Variants in CWH43 observed in about 807,000 individuals in gnomAD.
The protein encoded by CWH43 is cell wall biogenesis 43 C-terminal homolog, also known as PGAP2-interacting protein.
Under a neutral mutation model 85.7 loss-of-function variants are expected in CWH43, and 91 were observed. That is an observed-to-expected ratio of 1.06 (90% confidence interval 0.90 to 1.26). The LOEUF (loss-of-function observed/expected upper bound fraction) is 1.26. Ranked by LOEUF, CWH43 falls within the 50% of genes most tolerant of loss-of-function variation. The pLI is 0.00. For synonymous variants in CWH43, 323 were observed against 293.6 expected (o/e 1.10, Z -1.02); for missense variants, 869 against 839.2 (o/e 1.04, Z -0.44).
chr4:49,023,789 T>C (rs1189003494), intron 9 of CWH43, among the ~76,000 whole-genome samples: 1 of 152,236 alleles, frequency 6.6e-6, no homozygotes, highest in Non-Finnish European at 1.5e-5. Context: ...TCTTGGAGAA[T>C]GGTGCATGTG....
At chr4:49,051,767 G>A (rs1784806113) in intron 15 of CWH43, among the ~76,000 whole-genome samples, 1 of 152,126 alleles carries the variant, frequency 6.6e-6, no homozygotes, top group Non-Finnish European at 1.5e-5. Flanking sequence ...AGTAAAGACA[G>A]GGTTTCACTA....
intron 1 of CWH43, 135 bp from the exon 2 acceptor site, chr4:48,988,342 C>A: frequency 5.1e-6 from 3 of 587,752 alleles, no homozygotes; most frequent in South Asian, 2.8e-5. Flanking sequence ...TCAGTGGAGA[C>A]AACTGGAACC....
At position 49,043,302 on chromosome 4, in the gene CWH43, T is replaced by C. The variant is rs539499943; in HGVS notation, c.1804-1484T>C. Among the ~76,000 whole-genome samples, 3 of 152,324 alleles carry C rather than the reference T, an allele frequency of 2.0e-5. No individual in the cohort carries two copies. The East Asian group carries it at 5.8e-4, about 29-fold the overall frequency. ...GAGAAACGCGTAAGTACATGGTCTA[T>C]GAAGCACAAACGAATATTAGACAAG... On this transcript the variant is annotated intron_variant, in intron 13 of 15. Transcript: ENST00000226432.
At chr4:49,017,035 A>C in intron 8 of CWH43, 1 of 756,408 alleles carries the variant, frequency 1.3e-6, no homozygotes, top group Non-Finnish European at 2.5e-6. Flanking sequence ...GGGGGAGAGC[A>C]AACCACCTCA....
chr4:49,021,785 T>A (rs1440651826), intron 9 of CWH43, among the ~76,000 whole-genome samples: 1 of 152,200 alleles, frequency 6.6e-6, no homozygotes, highest in Admixed American at 6.5e-5. Context: ...AGTATATTCC[T>A]AAATATTTTA....
At chr4:49,047,000 C>T (rs1427259292) in intron 14 of CWH43, among the ~76,000 whole-genome samples, 14 of 152,122 alleles carry the variant, frequency 9.2e-5, no homozygotes, top group Admixed American at 8.5e-4. Flanking sequence ...GACTGACTTC[C>T]CTGAGCCTTA....
chr4:48,986,666 C>CT (rs1240834199), intron 1 of CWH43, 194 bp downstream of exon 1: 1 of 1,357,016 alleles, frequency 7.4e-7, no homozygotes, highest in East Asian at 3.0e-5. Context: ...AGATTGAAGT[C>CT]TTCAAGCTGA....
In CWH43 at chr4:49,002,846, G is replaced by A. The variant is rs2085293; in HGVS notation, c.803-889G>A. On this transcript the variant is annotated intron_variant, in intron 6 of 15. Coordinates refer to ENST00000226432, the MANE Select transcript of CWH43 (RefSeq NM_025087.3). ...TTGAGCTATGGGGCATTAAGATGCT[G>A]ACTGGGGCCACTTTCTGCTTCCCAC... Among the ~76,000 whole-genome samples, 1,304 of 152,280 alleles carry A rather than the reference G, an allele frequency of 8.6e-3. 39 individuals carry two copies. The highest frequency in any genetic ancestry group is 0.052 in the Admixed American group (791 of 15,278).
chr4:49,042,863 C>T (rs575662401), intron 13 of CWH43, among the ~76,000 whole-genome samples: 1 of 152,272 alleles, frequency 6.6e-6, no homozygotes, highest in East Asian at 1.9e-4. Flanking sequence ...CACCTCAAAA[C>T]GTAGTGGCTT....
intron 11 of CWH43, among the ~76,000 whole-genome samples, chr4:49,031,673 G>A (rs1784104071): frequency 6.6e-6 from 1 of 152,200 alleles, no homozygotes; most frequent in African/African-American, 2.4e-5. Flanking sequence ...GAGCCAGGAG[G>A]CAGAGATGAT....
At chr4:49,034,296 A>G (rs921389278) in intron 12 of CWH43, among the ~76,000 whole-genome samples, 3 of 152,200 alleles carry the variant, frequency 2.0e-5, no homozygotes, top group Middle Eastern at 3.2e-3. Flanking sequence ...TAAAAAAAAT[A>G]ATACTTTCAT....
At chr4:49,021,567 T>C (rs999998387) in intron 9 of CWH43, among the ~76,000 whole-genome samples, 2 of 152,148 alleles carry the variant, frequency 1.3e-5, no homozygotes, top group African/African-American at 4.8e-5. Context: ...TTTTAGGATT[T>C]TTTTCCAGTT....
intron 8 of CWH43, among the ~76,000 whole-genome samples, chr4:49,013,446 C>T (rs981407505): frequency 2.0e-5 from 3 of 152,230 alleles, no homozygotes; most frequent in Non-Finnish European, 4.4e-5. Context: ...CCTTGCACTT[C>T]CCGGGTGAGG....
Position 49,061,923 on chromosome 4 carries a change from A to T in CWH43, c.*33A>T. The T allele has an allele frequency of 7.7e-7, 1 of 1,296,374 alleles. No individual in the cohort carries two copies. Among genetic ancestry groups the T allele is most frequent in the Non-Finnish European group, 1.0e-6 (1 of 979,766 alleles). 80.3% of individuals were successfully genotyped at this position (1,296,374 alleles called of 1,614,324 possible). A position where few individuals can be genotyped will look rare whatever the true frequency, so the allele number is the denominator to read the frequency against. ...AAAACAAGAAGTTATTGGCTGGGAA[A>T]ATCTAAGAAAAAAAGTATGTAAGAT... On this transcript the variant is annotated 3_prime_UTR_variant, in exon 16 of 16. Transcript: ENST00000226432.
At chr4:49,039,335 T>A (rs1270054173) in intron 13 of CWH43, among the ~76,000 whole-genome samples, 20 of 5,214 alleles carry the variant, frequency 3.8e-3, no homozygotes, top group East Asian at 7.8e-3. Flanking sequence ...ATATATATAC[T>A]GATGTATATA....
Position 48,986,416 on chromosome 4 carries a change from C to T in CWH43, c.-14C>T, listed in dbSNP as rs1301461523. On this transcript the variant is annotated 5_prime_UTR_variant, in exon 1 of 16. Transcript: ENST00000226432. ...GCACGGCTTTCCTGGAAAGCGCTGC[C>T]CCTCGCCGCGGCGATGCCCTCGCTG... 3.2e-6 allele frequency: 5 copies of T among 1,542,534 alleles called. No homozygotes were observed. Among genetic ancestry groups the T allele is most frequent in the Admixed American group, 2.0e-5 (1 of 50,824 alleles).
intron 7 of CWH43, among the ~76,000 whole-genome samples, chr4:49,006,530 G>A (rs1783162668): frequency 6.6e-6 from 1 of 152,108 alleles, no homozygotes; most frequent in Non-Finnish European, 1.5e-5. Context: ...CTTGGCTTCT[G>A]ACTTTTACTT....
intron 5 of CWH43, 81 bp downstream of exon 5, chr4:48,994,901 T>A: frequency 8.9e-7 from 1 of 1,120,518 alleles, no homozygotes; most frequent in Non-Finnish European, 1.4e-6. Context: ...GACAGCTAGG[T>A]CTGTGCTAGC....
intron 13 of CWH43, among the ~76,000 whole-genome samples, chr4:49,042,449 A>G (rs1784492253): frequency 6.6e-6 from 1 of 152,208 alleles, no homozygotes; most frequent in Admixed American, 6.5e-5. Flanking sequence ...TACAAGGAAG[A>G]TGAGTTCAGC....
Sources: gnomAD v4.1 joint callset for allele counts (sites outside exome capture counted in the v4.1 genomes callset) on GRCh38, gnomAD v4.1.1 for gene constraint, MANE v1.5 for transcripts, NCBI Gene and HGNC (gene_info 2026-07-23, HGNC 2026-07-21) for gene names.